FAT3: variants seen among roughly 807,000 people sequenced by gnomAD.
FAT3 encodes protocadherin Fat 3.
A neutral mutation model predicts 310.2 loss-of-function variants in FAT3; 95 were observed. That is an observed-to-expected ratio of 0.31 (90% CI 0.26 to 0.36). The LOEUF (loss-of-function observed/expected upper bound fraction) is 0.36, where lower values mean the gene tolerates loss of function less well. Ranked by LOEUF, FAT3 falls within the 10% of genes least tolerant of loss-of-function variation. The probability of loss-of-function intolerance (pLI) is 1.00; values close to 1 mark genes in which losing one functional copy is unlikely to be tolerated. For synonymous variants in FAT3, 2,314 were observed against 2,192.9 expected (o/e 1.06, Z -1.54); for missense variants, 5,408 against 5,715.6 (o/e 0.95, Z 1.74).
At chr11:92,318,869 A>G (rs1947534319) in intron 1 of FAT3, among the ~76,000 whole-genome samples, 1 of 152,200 alleles carries the variant, frequency 6.6e-6, no homozygotes, top group Non-Finnish European at 1.5e-5. Flanking sequence ...ACCCTATGAC[A>G]CGAATGCTGG....
chr11:92,435,088 T>G (rs1293250296), intron 2 of FAT3, among the ~76,000 whole-genome samples: 3 of 152,082 alleles, frequency 2.0e-5, no homozygotes, highest in Non-Finnish European at 4.4e-5. Flanking sequence ...TTCACCTATA[T>G]CCTCCCCCTT....
At chr11:92,640,074 T>G (rs1941902697) in intron 3 of FAT3, among the ~76,000 whole-genome samples, 1 of 152,168 alleles carries the variant, frequency 6.6e-6, no homozygotes, top group African/African-American at 2.4e-5. Context: ...AGTCTTCATT[T>G]TAGTATTCTG....
At chr11:92,621,956 A>G (rs1390122937) in intron 3 of FAT3, among the ~76,000 whole-genome samples, 1 of 152,100 alleles carries the variant, frequency 6.6e-6, no homozygotes, top group African/African-American at 2.4e-5. Flanking sequence ...CAACCCACGT[A>G]ATTCGAATGC....
At chr11:92,238,716 C>T (rs962984710) in intron 1 of FAT3, among the ~76,000 whole-genome samples, 2 of 151,854 alleles carry the variant, frequency 1.3e-5, no homozygotes, top group Non-Finnish European at 2.9e-5. Flanking sequence ...AGAACAAATA[C>T]TATGCATGTG....
chr11:92,765,098 G>A lies in FAT3; in HGVS notation c.4195+9G>A, dbSNP rs777925524. On this transcript the variant is annotated intron_variant, in intron 6 of 27. Coordinates refer to ENST00000525166, the MANE Select transcript of FAT3 (RefSeq NM_001367949.2). Reference sequence around the variant, plus strand: ...GTGGTTTGACATAGTTGGTAAGTTCGAGTCTTACAGAGCAGTATCATGCAA... The same window carrying A: ...GTGGTTTGACATAGTTGGTAAGTTCAAGTCTTACAGAGCAGTATCATGCAA... 2.9e-5 allele frequency: 46 copies of A among 1,607,806 alleles called. No individual in the cohort carries two copies. Among genetic ancestry groups the A allele is most frequent in the East Asian group, 8.9e-5 (4 of 44,770 alleles).
intron 2 of FAT3, among the ~76,000 whole-genome samples, chr11:92,479,897 T>C (rs1168941951): frequency 1.3e-5 from 2 of 152,102 alleles, no homozygotes; most frequent in Non-Finnish European, 2.9e-5. Context: ...AGTGTGGGTG[T>C]CATGTGGTCA....
At chr11:92,702,963 A>G (rs1487886268) in intron 4 of FAT3, among the ~76,000 whole-genome samples, 7 of 152,238 alleles carry the variant, frequency 4.6e-5, no homozygotes, top group Admixed American at 4.6e-4. Context: ...GGAACAGCCC[A>G]GAGAATGTGG....
Position 92,433,276 on chromosome 11 carries a change from G to A in FAT3, c.3292+77872G>A, listed in dbSNP as rs149915339. Among the ~76,000 whole-genome samples, 344 of 152,182 alleles carry A rather than the reference G, an allele frequency of 2.3e-3. 2 individuals are homozygous for A. Among genetic ancestry groups the A allele is most frequent in the African/African-American group, 7.2e-3 (300 of 41,522 alleles). The stretch of plus-strand genomic sequence containing the variant: ...CTCACTGGCATTCCAGGCACCACTG[G>A]GGTATGAAAAAAAACTCCTGCTGCT... On this transcript the variant is annotated intron_variant, in intron 2 of 27. Transcript: ENST00000525166.
chr11:92,634,501 T>C (rs963919240), intron 3 of FAT3, among the ~76,000 whole-genome samples: 4 of 152,348 alleles, frequency 2.6e-5, no homozygotes, highest in Middle Eastern at 3.4e-3. Flanking sequence ...CAATTCTTGT[T>C]CTTGACTGCT....
At chr11:92,833,458 G>A (rs1266230625) in intron 14 of FAT3, among the ~76,000 whole-genome samples, 1 of 152,156 alleles carries the variant, frequency 6.6e-6, no homozygotes, top group Admixed American at 6.5e-5. Flanking sequence ...CTCTTACTAA[G>A]TACAAAACAG....
At chr11:92,421,549 G>A (rs1322631029) in intron 2 of FAT3, among the ~76,000 whole-genome samples, 1 of 152,122 alleles carries the variant, frequency 6.6e-6, no homozygotes, top group African/African-American at 2.4e-5. Context: ...GTGCTTACAT[G>A]GATTTATGAA....
chr11:92,877,224 G>A (rs1343925225), intron 22 of FAT3, among the ~76,000 whole-genome samples: 2 of 152,082 alleles, frequency 1.3e-5, no homozygotes, highest in African/African-American at 4.8e-5. Context: ...AAAACTCGGG[G>A]GACTGAATCC....
chr11:92,274,273 C>T (rs1946204272), intron 1 of FAT3, among the ~76,000 whole-genome samples: 1 of 151,876 alleles, frequency 6.6e-6, no homozygotes, highest in East Asian at 1.9e-4. Context: ...TTTTTTTGAA[C>T]AAATAAACCC....
chr11:92,749,358 G>T (rs920435711), intron 4 of FAT3, among the ~76,000 whole-genome samples: 1 of 151,950 alleles, frequency 6.6e-6, no homozygotes, highest in African/African-American at 2.4e-5. Context: ...ATGAATGCAA[G>T]CCTTGTTTGA....
rs150247469 is a variant in FAT3, at chr11:92,323,840, G to A, written c.-17-28256G>A. On this transcript the variant is annotated intron_variant, in intron 1 of 27. Transcript: ENST00000525166. ...GTCTTTTGAAGCTTTGAAGTCTGGC[G>A]TTGACTGTTTTCTAGCTATGAAAGC... 2.6e-3 allele frequency among the ~76,000 whole-genome samples: 394 copies of A among 152,254 alleles called. 1 individual carries two copies. The highest frequency in any genetic ancestry group is 2.6e-3 in the Non-Finnish European group (179 of 68,024).
At chr11:92,783,691 C>G (rs997996912) in intron 7 of FAT3, among the ~76,000 whole-genome samples, 1 of 152,016 alleles carries the variant, frequency 6.6e-6, no homozygotes, top group African/African-American at 2.4e-5. Context: ...ATTGTCCCAG[C>G]TACTTGGGAG....
At chr11:92,341,006 AG>A (rs1290472097) in intron 1 of FAT3, among the ~76,000 whole-genome samples, 1 of 152,018 alleles carries the variant, frequency 6.6e-6, no homozygotes, top group African/African-American at 2.4e-5. Context: ...CAGCACCTCT[AG>A]GGGGCAGCAT....
At chr11:92,383,242 T>C (rs1300894992) in intron 2 of FAT3, among the ~76,000 whole-genome samples, 1 of 152,252 alleles carries the variant, frequency 6.6e-6, no homozygotes, top group Non-Finnish European at 1.5e-5. Context: ...CTGTCACTGA[T>C]GGACGTTTAG....
rs1949732433 is a variant in FAT3 at position 92,883,764 on chromosome 11, T to C, written c.12937+371T>C. On this transcript the variant is annotated intron_variant, in intron 24 of 27. Coordinates refer to ENST00000525166, the MANE Select transcript of FAT3 (RefSeq NM_001367949.2). The surrounding 1 kb of genome is among the most constrained non-coding windows in gnomAD (Gnocchi z 4.2). ...ACTAGTTATTGTGTATAAATTATAA[T>C]AGTGTGTGTGTGTCTGGGCCTATGT... Among the ~76,000 whole-genome samples the C allele has an allele frequency of 6.6e-6, 1 of 152,106 alleles. No homozygotes were observed. The highest frequency in any genetic ancestry group is 2.4e-5 in the African/African-American group (1 of 41,408).
Sources: gnomAD v4.1 joint callset for allele counts (sites outside exome capture counted in the v4.1 genomes callset) on GRCh38, gnomAD v4.1.1 for gene constraint, Gnocchi (gnomAD v3.1) non-coding constraint, MANE v1.5 for transcripts, NCBI Gene and HGNC (gene_info 2026-07-23, HGNC 2026-07-21) for gene names.